Variants in CASC3 observed in about 807,000 individuals in gnomAD.
The protein encoded by CASC3 is protein CASC3.
CASC3 carries 30 observed loss-of-function variants against 80.5 expected under a neutral mutation model. The ratio of observed to expected loss-of-function variants is 0.37; its 90% confidence interval spans 0.28 to 0.51. The LOEUF (loss-of-function observed/expected upper bound fraction) is 0.51, where lower values mean the gene tolerates loss of function less well. Ranked by LOEUF, CASC3 falls within the 20% of genes least tolerant of loss-of-function variation. CASC3 has a pLI of 0.94. For synonymous variants in CASC3, 312 were observed against 333.6 expected (o/e 0.94, Z 0.70); for missense variants, 824 against 922.2 (o/e 0.89, Z 1.38).
intron 3 of CASC3, among the ~76,000 whole-genome samples, chr17:40,151,208 A>G (rs1988998406): frequency 6.6e-6 from 1 of 151,448 alleles, no homozygotes; most frequent in East Asian, 2.0e-4. Flanking sequence ...ATCTCTTTTT[A>G]TTTGTTTGTG....
rs981475964 is a variant in CASC3, at chr17:40,164,002, C to A, written c.1307C>A (p.Pro436Gln). The change falls in exon 7 of 14, where the codon CCA (proline) becomes CAA (glutamine). Residue 436 changes from proline (P) to glutamine (Q), a missense_variant. Around this residue, in one of 3 missense-constraint regions of CASC3, gnomAD observed 464 missense variants for 506.0 expected, o/e 0.92. Transcript: ENST00000264645. ...CCTGAAGGACTGATTCCAGCACCTC[C>A]AGTCCCAGAAACCACCCCAACTCCA... is the stretch of plus-strand genomic sequence containing the variant. ...PPPEGLIPAPPVPETTPTPPT... is the reference protein window; with the variant it reads ...PPPEGLIPAPQVPETTPTPPT... The A allele has an allele frequency of 1.9e-6, 3 of 1,614,076 alleles. No homozygotes were observed. The highest frequency in any genetic ancestry group is 2.5e-6 in the Non-Finnish European group (3 of 1,180,028).
chr17:40,163,352 C>A, intron 6 of CASC3, 129 bp from the exon 7 acceptor site: 1 of 730,556 alleles, frequency 1.4e-6, no homozygotes, highest in Non-Finnish European at 2.2e-6. Context: ...CCAGGCTGGT[C>A]TTGAACTCCT....
At position 40,171,452 on chromosome 17, in the gene CASC3, A is replaced by G. The variant is rs371745982; in HGVS notation, c.*1047A>G. On this transcript the variant is annotated 3_prime_UTR_variant, in exon 14 of 14. Transcript: ENST00000264645. ...CTTTAAAGGCAAATATTATCCAGCA[A>G]GCAGTCTACCCTGTCCTTTGCAATT... 12 of 986,256 alleles carry G rather than the reference A, an allele frequency of 1.2e-5. No homozygotes were observed. In the East Asian group the frequency reaches 4.5e-4, roughly 37 times the overall value. The allele number at this position is 986,256 out of a possible 1,614,324, so 61.1% of individuals were successfully genotyped here. A position where few individuals can be genotyped will look rare whatever the true frequency, so the allele number is the denominator to read the frequency against.
At position 40,168,324 on chromosome 17, in the gene CASC3, T is replaced by C. The variant is rs1318252007; in HGVS notation, c.1872T>C (p.Ala624=). ...TGCTTGCTCCTACTTACTTTTCTGC[T>C]CCAGGCGTCATGAACTTTGGTAATC... ...QQLLAPTYFS[A]PGVMNFGNPS... Residue 624 remains alanine, a synonymous_variant, in exon 11 of 14, where the codon GCT becomes GCC. Coordinates refer to ENST00000264645, the MANE Select transcript of CASC3 (RefSeq NM_007359.5). The C allele has an allele frequency of 2.5e-6, 4 of 1,614,016 alleles. No individual in the cohort carries two copies. Among genetic ancestry groups the C allele is most frequent in the Non-Finnish European group, 2.5e-6 (3 of 1,180,044 alleles).
intron 3 of CASC3, among the ~76,000 whole-genome samples, chr17:40,154,115 T>G (rs1403121960): frequency 5.3e-5 from 8 of 151,624 alleles, no homozygotes; most frequent in Non-Finnish European, 1.2e-4. Context: ...GTTTTTTTTT[T>G]TTTTTTTTTT....
chr17:40,167,980 A>G, intron 10 of CASC3, 32 bp downstream of exon 10: 3 of 1,578,886 alleles, frequency 1.9e-6, no homozygotes, highest in Middle Eastern at 1.7e-4. Flanking sequence ...ATATGCTTCC[A>G]GTACCTGAGG....
chr17:40,166,356 A>G (rs75270950), intron 7 of CASC3, among the ~76,000 whole-genome samples: 1,879 of 152,276 alleles, frequency 0.012, 53 homozygotes, highest in African/African-American at 0.043. Flanking sequence ...TCTCCTTTCA[A>G]ACTTCCAACC....
intron 3 of CASC3, among the ~76,000 whole-genome samples, chr17:40,154,136 T>C (rs1989084487): frequency 6.6e-6 from 1 of 151,308 alleles, no homozygotes; most frequent in Non-Finnish European, 1.5e-5. Flanking sequence ...TGGTGCTTAT[T>C]GGCCATTTGT....
chr17:40,155,012 C>T (rs1248165453), intron 3 of CASC3, among the ~76,000 whole-genome samples: 1 of 151,836 alleles, frequency 6.6e-6, no homozygotes, highest in Non-Finnish European at 1.5e-5. Flanking sequence ...GCCTCAGCCT[C>T]CCGAGTAGCT....
At chr17:40,148,214 G>A (rs1407843031) in intron 3 of CASC3, among the ~76,000 whole-genome samples, 1 of 152,026 alleles carries the variant, frequency 6.6e-6, no homozygotes, top group Non-Finnish European at 1.5e-5. Flanking sequence ...TGTTGCTTTT[G>A]TTCCCTTTCC....
chr17:40,159,626 A>G (rs1266554510), intron 3 of CASC3, among the ~76,000 whole-genome samples: 2 of 146,948 alleles, frequency 1.4e-5, no homozygotes, highest in Middle Eastern at 3.6e-3. Context: ...GCTCACTGCA[A>G]CCTCTACCTC....
rs1343281279 is a variant in CASC3, at chr17:40,170,414, T to C, written c.*42-33T>C. On this transcript the variant is annotated intron_variant, in intron 13 of 13. Transcript: ENST00000264645. Reference sequence around the variant, plus strand: ...ATGCCCAGAAGGCCCACTAACACTTTGGTGGTTCTTCCCTTTTTCCAACCC... The same window carrying C: ...ATGCCCAGAAGGCCCACTAACACTTCGGTGGTTCTTCCCTTTTTCCAACCC... The C allele has an allele frequency of 4.1e-6, 4 of 985,460 alleles. No individual in the cohort carries two copies. The Admixed American group carries it at 1.8e-4, about 45-fold the overall frequency. The allele number at this position is 985,460 out of a possible 1,614,324, so 61.0% of individuals were successfully genotyped here. A position where few individuals can be genotyped will look rare whatever the true frequency, so the allele number is the denominator to read the frequency against.
At chr17:40,166,933 G>A in intron 8 of CASC3, 72 bp downstream of exon 8, 1 of 1,067,962 alleles carries the variant, frequency 9.4e-7, no homozygotes, top group South Asian at 1.5e-5. Flanking sequence ...TTTAAACCAA[G>A]ATAAGGTCTT....
chr17:40,141,263 C>A, intron 2 of CASC3, 29 bp downstream of exon 2: 2 of 1,603,722 alleles, frequency 1.2e-6, no homozygotes, highest in Non-Finnish European at 1.7e-6. Flanking sequence ...CCCATTAGGA[C>A]AAGAGTTTTT....
intron 13 of CASC3, 41 bp downstream of exon 13, chr17:40,169,703 C>T: frequency 1.2e-6 from 1 of 820,316 alleles, no homozygotes; most frequent in Non-Finnish European, 1.8e-6. Context: ...AAAACTAATG[C>T]TCACACTTGC....
At chr17:40,150,551 C>T (rs923224142) in intron 3 of CASC3, among the ~76,000 whole-genome samples, 2 of 151,572 alleles carry the variant, frequency 1.3e-5, no homozygotes, top group Non-Finnish European at 2.9e-5. Context: ...TGGGATGTTA[C>T]TAGTAGTGAT....
In CASC3 at chr17:40,167,962, C is replaced by T. The variant is rs1430525839; in HGVS notation, c.1750+14C>T. The stretch of plus-strand genomic sequence containing the variant: ...TTCCCCACCCAGGTAAGCTTTGTGT[C>T]TCTGCTTATATGCTTCCAGTACCTG... On this transcript the variant is annotated intron_variant, in intron 10 of 13. Coordinates refer to ENST00000264645, the MANE Select transcript of CASC3 (RefSeq NM_007359.5). 1 of 1,609,270 alleles carries T rather than the reference C, an allele frequency of 6.2e-7. No homozygotes were observed. The highest frequency in any genetic ancestry group is 1.7e-5 in the Admixed American group (1 of 59,964).
At chr17:40,152,648 G>C (rs1400000021) in intron 3 of CASC3, among the ~76,000 whole-genome samples, 1 of 151,586 alleles carries the variant, frequency 6.6e-6, no homozygotes, top group African/African-American at 2.4e-5. Flanking sequence ...CAAATTTTTT[G>C]TAGAGGCAAA....
At chr17:40,168,453 C>T (rs768362419) in intron 11 of CASC3, 36 bp downstream of exon 11, 1 of 1,565,134 alleles carries the variant, frequency 6.4e-7, no homozygotes, top group South Asian at 1.1e-5. Context: ...TCTAGATACA[C>T]ATTCTTTAAT....
Sources: gnomAD v4.1 joint callset for allele counts (sites outside exome capture counted in the v4.1 genomes callset) on GRCh38, gnomAD v4.1.1 for gene constraint, gnomAD v4.1.1 regional missense constraint, MANE v1.5 for transcripts, NCBI Gene and HGNC (gene_info 2026-07-23, HGNC 2026-07-21) for gene names.